IFT46: variants seen among roughly 807,000 people sequenced by gnomAD.
IFT46 encodes the protein intraflagellar transport 46.
IFT46 carries 19 observed loss-of-function variants against 39.6 expected under a neutral mutation model. The ratio of observed to expected loss-of-function variants is 0.48; its 90% CI spans 0.33 to 0.70. IFT46 has a LOEUF of 0.70. IFT46 is among the 30% of genes least tolerant of loss of function. The pLI is 0.01. For synonymous variants in IFT46, 117 were observed against 134.8 expected, an observed-to-expected ratio of 0.87 and a Z score of 0.91; for missense variants, 334 against 364.8, an observed-to-expected ratio of 0.92 and a Z score of 0.69.
Position 118,559,857 on chromosome 11 carries a change from AG to A in IFT46, c.-29del. 1 of 1,599,134 alleles carries A rather than the reference AG, an allele frequency of 6.3e-7. No homozygotes were observed. Among genetic ancestry groups the A allele is most frequent in the East Asian group, 2.2e-5 (1 of 44,800 alleles). ...CCTTGTTAGGAAGATGGGCAGAACG[AG>A]GAAGTCCTTAGAAAAAAAGTTTTTC... is the stretch of plus-strand genomic sequence containing the variant. On this transcript the variant is annotated 5_prime_UTR_variant, in exon 3 of 12. Coordinates refer to ENST00000264021, the MANE Select transcript of IFT46 (RefSeq NM_001168618.2).
chr11:118,566,533 A>C (rs2135516649), upstream of IFT46, among the ~76,000 whole-genome samples: 1 of 152,260 alleles, frequency 6.6e-6, no homozygotes, highest in Admixed American at 6.5e-5. Context: ...TCTACTAAAA[A>C]ATTCAAAAAA....
chr11:118,552,445 C>T, intron 7 of IFT46, 110 bp from the exon 8 acceptor site: 1 of 1,318,544 alleles, frequency 7.6e-7, no homozygotes, highest in Non-Finnish European at 1.1e-6. Flanking sequence ...CTGATGACAG[C>T]TGCTGCCACG....
At chr11:118,554,842 A>G in intron 6 of IFT46, 148 bp downstream of exon 6, 1 of 687,326 alleles carries the variant, frequency 1.5e-6, no homozygotes, top group South Asian at 1.9e-5. Flanking sequence ...CAATGAGTGT[A>G]ATTTGGAGTT....
In IFT46 at chr11:118,544,885, T is replaced by G. The variant is rs1397199530; in HGVS notation, c.*31A>C. The G allele has an allele frequency of 1.3e-6, 2 of 1,515,364 alleles. No individual in the cohort carries two copies. The highest frequency in any genetic ancestry group is 1.8e-6 in the Non-Finnish European group (2 of 1,091,814). The allele number at this position is 1,515,364 out of a possible 1,614,324, so 93.9% of individuals were successfully genotyped here. On this transcript the variant is annotated 3_prime_UTR_variant, in exon 12 of 12. Coordinates refer to ENST00000264021, the MANE Select transcript of IFT46 (RefSeq NM_001168618.2). ...TCTCAGCTGGGGCAGAGGGGCCAGC[T>G]CAGCCTTGAAACAGCAGCTTGGGAA...
At position 118,555,264 on chromosome 11, in the gene IFT46, A is replaced by G; in HGVS notation, c.244T>C (p.Phe82Leu). The G allele has an allele frequency of 6.2e-7, 1 of 1,613,934 alleles. No homozygotes were observed. The highest frequency in any genetic ancestry group is 8.5e-7 in the Non-Finnish European group (1 of 1,179,800). ...AGTACTCACCTACTGATGTACTGGA[A>G]GAGTTCCTTAATTTCAGCAGAAACT... ...LPVSAEIKEL[F>L]QYISRYTPQL... is the part of the protein sequence containing the mutation. The change falls in exon 5 of 12, where the codon TTC becomes CTC. Residue 82 changes from phenylalanine to leucine, a missense_variant. By Grantham distance (22) the Phe-to-Leu change is conservative (BLOSUM62 0). Transcript: ENST00000264021.
chr11:118,561,874 C>G (rs1938068353), intron 2 of IFT46, among the ~76,000 whole-genome samples: 1 of 152,160 alleles, frequency 6.6e-6, no homozygotes, highest in Non-Finnish European at 1.5e-5. Flanking sequence ...CGCAGTGGCT[C>G]ACACCTGTAA....
At position 118,561,105 on chromosome 11, in the gene IFT46, G is replaced by A. The variant is rs552915396; in HGVS notation, c.-35-1241C>T. ...GTGGAAAGCATTGATGGTCAGCCAGGTGCCTTTACCTGCTATTTGGATACA... is the reference window on the plus strand; with the variant it reads ...GTGGAAAGCATTGATGGTCAGCCAGATGCCTTTACCTGCTATTTGGATACA... On this transcript the variant is annotated intron_variant, in intron 2 of 11. Transcript: ENST00000264021. The A allele has an allele frequency of 8.5e-6, 13 of 1,522,848 alleles. No individual in the cohort carries two copies. The South Asian group carries it at 1.3e-4, about 16-fold the overall frequency. 94.3% of individuals were successfully genotyped at this position (1,522,848 alleles called of 1,614,324 possible). A position where few individuals can be genotyped will look rare whatever the true frequency, so the allele number is the denominator to read the frequency against.
In IFT46 at chr11:118,556,255, G is replaced by A. The variant is rs183244392; in HGVS notation, c.185+651C>T. On this transcript the variant is annotated intron_variant, in intron 4 of 11. Transcript: ENST00000264021. ...GCCTGTAATCCCAGCACTTTGGGAG[G>A]CCGAGGCGAGCGGATCACGAGGTCA... 8.9e-4 allele frequency among the ~76,000 whole-genome samples: 135 copies of A among 152,270 alleles called. 4 individuals carry two copies. The East Asian group carries it at 0.011, about 13-fold the overall frequency.
chr11:118,568,969 AT>A (rs1352572617), upstream of IFT46, among the ~76,000 whole-genome samples: 1 of 151,642 alleles, frequency 6.6e-6, no homozygotes, highest in Non-Finnish European at 1.5e-5. Context: ...GGGTACAAGT[AT>A]TATGTGTCAA....
At chr11:118,558,817 C>T (rs1406583228) in intron 3 of IFT46, among the ~76,000 whole-genome samples, 4 of 151,492 alleles carry the variant, frequency 2.6e-5, no homozygotes, top group Admixed American at 2.6e-4. Flanking sequence ...ACTCGGGAGG[C>T]TGAGGCATGA....
rs1222129254 is a variant in IFT46 at position 118,565,029 on chromosome 11, C to T, written c.-100G>A. On this transcript the variant is annotated 5_prime_UTR_variant, in exon 2 of 12. Coordinates refer to ENST00000264021, the MANE Select transcript of IFT46 (RefSeq NM_001168618.2). The stretch of plus-strand genomic sequence containing the variant: ...CTTCGGAGTCGTTAATCTCTAGACG[C>T]TCATCATATGTCTGGTTTTCAACAA... 2 of 152,558 alleles carry T rather than the reference C, an allele frequency of 1.3e-5. No homozygotes were observed. Among genetic ancestry groups the T allele is most frequent in the African/African-American group, 2.4e-5 (1 of 41,400 alleles). 9.5% of individuals were successfully genotyped at this position (152,558 alleles called of 1,614,324 possible).
chr11:118,559,952 C>T, intron 2 of IFT46, 88 bp from the exon 3 acceptor site: 1 of 744,882 alleles, frequency 1.3e-6, no homozygotes, highest in Non-Finnish European at 2.3e-6. Flanking sequence ...TATGCTCTAA[C>T]CATTTTATAA....
intron 9 of IFT46, among the ~76,000 whole-genome samples, chr11:118,551,427 A>G (rs1431412940): frequency 2.0e-5 from 3 of 151,934 alleles, no homozygotes; most frequent in Non-Finnish European, 2.9e-5. Flanking sequence ...TAATCCCAGC[A>G]CTTTGGGAGG....
intron 4 of IFT46, 57 bp downstream of exon 4, chr11:118,556,849 A>G (rs535718998): frequency 4.1e-5 from 60 of 1,462,084 alleles, no homozygotes; most frequent in Middle Eastern, 1.8e-4. Flanking sequence ...CTCCCACTCC[A>G]GTGTTTTGAA....
chr11:118,553,883 T>C (rs1463883855), intron 7 of IFT46, among the ~76,000 whole-genome samples: 2 of 152,192 alleles, frequency 1.3e-5, no homozygotes, highest in Non-Finnish European at 2.9e-5. Flanking sequence ...AAGTTTCTTT[T>C]TGAGGTGATG....
At position 118,544,894 on chromosome 11, in the gene IFT46, A is replaced by T; in HGVS notation, c.*22T>A. On this transcript the variant is annotated 3_prime_UTR_variant, in exon 12 of 12. Transcript: ENST00000264021. Reference sequence around the variant, plus strand: ...GGGCAGAGGGGCCAGCTCAGCCTTGAAACAGCAGCTTGGGAAGTGTCTCAG... The same window carrying T: ...GGGCAGAGGGGCCAGCTCAGCCTTGTAACAGCAGCTTGGGAAGTGTCTCAG... 3 of 1,574,084 alleles carry T rather than the reference A, an allele frequency of 1.9e-6. No homozygotes were observed. Among genetic ancestry groups the T allele is most frequent in the Non-Finnish European group, 2.6e-6 (3 of 1,144,646 alleles).
At chr11:118,549,324 G>T (rs1445363085) in intron 9 of IFT46, among the ~76,000 whole-genome samples, 1 of 151,358 alleles carries the variant, frequency 6.6e-6, no homozygotes, top group Non-Finnish European at 1.5e-5. Context: ...TTACAGGTAT[G>T]AGCTACCGTG....
intron 10 of IFT46, 100 bp from the exon 11 acceptor site, chr11:118,545,594 G>T: frequency 8.7e-7 from 1 of 1,146,948 alleles, no homozygotes; most frequent in Non-Finnish European, 1.3e-6. Context: ...ATGGGGTGTC[G>T]CTATGACTTT....
chr11:118,547,501 C>G (rs1565343927), intron 9 of IFT46, among the ~76,000 whole-genome samples: 1 of 152,192 alleles, frequency 6.6e-6, no homozygotes, highest in Non-Finnish European at 1.5e-5. Context: ...TCTCTGCAAC[C>G]TCCACTTCCT....
Sources: allele counts gnomAD v4.1 joint callset (sites outside exome capture counted in the v4.1 genomes callset), GRCh38; gene constraint gnomAD v4.1.1; transcripts MANE v1.5; gene names NCBI Gene and HGNC (gene_info 2026-07-23, HGNC 2026-07-21).